The following ANAPC1 variants were observed in gnomAD, a reference collection of about 807,000 sequenced individuals.
The protein encoded by ANAPC1 is anaphase promoting complex subunit 1, also known as anaphase-promoting complex subunit 1.
Under a neutral mutation model 208.0 loss-of-function variants are expected in ANAPC1, and 36 were observed. That is an observed-to-expected ratio of 0.17 (90% CI 0.13 to 0.23). ANAPC1 has a LOEUF of 0.23. Ranked by LOEUF, ANAPC1 falls within the 10% of genes least tolerant of loss-of-function variation. ANAPC1 has a pLI of 1.00. For missense variants in ANAPC1, 942 were observed against 2,011.6 expected, an observed-to-expected ratio of 0.47 and a Z score of 10.17; for synonymous variants, 378 against 695.2, an observed-to-expected ratio of 0.54 and a Z score of 7.18.
chr2:111,825,963 A>G, intron 21 of ANAPC1, 108 bp from the exon 22 acceptor site: 2 of 1,004,772 alleles, frequency 2.0e-6, no homozygotes, highest in South Asian at 3.8e-5. Context: ...TGCAGCCTCA[A>G]ACTCCTTGGC....
chr2:111,845,261 G>A (rs967941205), intron 16 of ANAPC1, among the ~76,000 whole-genome samples: 9 of 152,166 alleles, frequency 5.9e-5, no homozygotes, highest in Admixed American at 6.5e-5. Flanking sequence ...GCTTTTAGTA[G>A]TAAATAATCC....
At chr2:111,881,664 ATAAT>A in intron 1 of ANAPC1, among the ~76,000 whole-genome samples, 1 of 152,246 alleles carries the variant, frequency 6.6e-6, no homozygotes, top group East Asian at 1.9e-4. Flanking sequence ...ACAGATAAGC[ATAAT>A]TAGATTGTCC....
chr2:111,875,382 C>T (rs940126292), intron 3 of ANAPC1, among the ~76,000 whole-genome samples: 2 of 152,014 alleles, frequency 1.3e-5, no homozygotes, highest in African/African-American at 4.8e-5. Flanking sequence ...TACAATGCAC[C>T]GATTACAGTC....
intron 18 of ANAPC1, among the ~76,000 whole-genome samples, chr2:111,837,403 C>T (rs772133465): frequency 6.6e-5 from 10 of 151,998 alleles, no homozygotes; most frequent in African/African-American, 9.7e-5. Flanking sequence ...GGGCAGATCA[C>T]GAGGTCACGA....
intron 6 of ANAPC1, among the ~76,000 whole-genome samples, chr2:111,868,710 T>G (rs1682571044): frequency 6.6e-6 from 1 of 152,170 alleles, no homozygotes; most frequent in Admixed American, 6.5e-5. Flanking sequence ...TTTTTGTATT[T>G]TTAGTAGAGA....
chr2:111,837,332 G>GC (rs1322324656), intron 18 of ANAPC1, among the ~76,000 whole-genome samples: 2 of 152,330 alleles, frequency 1.3e-5, no homozygotes, highest in East Asian at 3.9e-4. Context: ...ATTAAAAACA[G>GC]CAAGAGGGGC....
chr2:111,855,590 A>C (rs1222447113), intron 13 of ANAPC1, among the ~76,000 whole-genome samples: 1 of 152,232 alleles, frequency 6.6e-6, no homozygotes, highest in Non-Finnish European at 1.5e-5. Flanking sequence ...GTTGAGCAAA[A>C]TAAGTATATC....
intron 6 of ANAPC1, among the ~76,000 whole-genome samples, chr2:111,868,796 G>A (rs1165535265): frequency 1.3e-5 from 2 of 152,184 alleles, no homozygotes; most frequent in Non-Finnish European, 2.9e-5. Context: ...GCCTCCCAGA[G>A]TGCTGGGATT....
chr2:111,863,723 G>T lies in ANAPC1; in HGVS notation c.1004C>A (p.Pro335His). 1 of 1,613,916 alleles carries T rather than the reference G, an allele frequency of 6.2e-7. No individual in the cohort carries two copies. The highest frequency in any genetic ancestry group is 8.5e-7 in the Non-Finnish European group (1 of 1,179,858). Residue 335 changes from proline to histidine, a missense_variant, in exon 9 of 48, where the codon CCC becomes CAC. Coordinates refer to ENST00000341068, the MANE Select transcript of ANAPC1 (RefSeq NM_022662.4). ...IHSQSRSTSS[P>H]SLHSRSPSIS... ...AGAAGGTGAGCGAGAATGTAGACTG[G>T]GTGATGAGGTTGAGCGACTCTGGCT...
At chr2:111,782,278 A>G (rs1360031482) in intron 43 of ANAPC1, 91 bp downstream of exon 43, 84 of 1,494,706 alleles carry the variant, frequency 5.6e-5, no homozygotes, top group Middle Eastern at 2.0e-4. Context: ...TGAAAAAGGA[A>G]GCAGATCCAC....
At chr2:111,821,668 C>T (rs1321950673) in intron 25 of ANAPC1, 3 of 486,706 alleles carry the variant, frequency 6.2e-6, no homozygotes, top group Non-Finnish European at 1.1e-5. Flanking sequence ...TGTGGTGGCT[C>T]ACACTCTGTA....
At position 111,878,777 on chromosome 2, in the gene ANAPC1, G is replaced by A. The variant is rs1324096968; in HGVS notation, c.375+33C>T. The A allele has an allele frequency of 1.6e-5, 25 of 1,593,656 alleles. No homozygotes were observed. The Admixed American group carries it at 4.4e-4, about 28-fold the overall frequency. On this transcript the variant is annotated intron_variant, in intron 3 of 47. Transcript: ENST00000341068. ...AACTTTTTTTTAATTGCATTAAATA[G>A]TGAATCAAATGCTAAAATTCAAATC...
chr2:111,869,582 T>A (rs1252754604), intron 6 of ANAPC1, among the ~76,000 whole-genome samples: 1 of 152,168 alleles, frequency 6.6e-6, no homozygotes, highest in Non-Finnish European at 1.5e-5. Flanking sequence ...CATATTCAAT[T>A]TTACCACTTA....
At chr2:111,789,582 A>C (rs1357213) in intron 38 of ANAPC1, among the ~76,000 whole-genome samples, 1,933 of 135,480 alleles carry the variant, frequency 0.014, no homozygotes, top group African/African-American at 0.026. Flanking sequence ...TTAAGCAAAG[A>C]GATACATCTA....
At position 111,825,160 on chromosome 2, in the gene ANAPC1, C is replaced by G. The variant is rs1228292215; in HGVS notation, c.2712G>C (p.Gln904His). The G allele has an allele frequency of 3.1e-6, 5 of 1,612,404 alleles. No individual in the cohort carries two copies. The highest frequency in any genetic ancestry group is 4.2e-6 in the Non-Finnish European group (5 of 1,179,492). ...TTTCCTCTTGTTCTACTTGCAACTT[C>G]TGGGGGGCTAAAAGGCAACAAAATG... Reference protein sequence around the residue: ...QYLTRITIAPQKLQVEQEENR... With the variant: ...QYLTRITIAPHKLQVEQEENR... The change falls in exon 23 of 48, where the codon CAG (glutamine) becomes CAC (histidine). Residue 904 changes from glutamine to histidine, a missense_variant. Coordinates refer to ENST00000341068, the MANE Select transcript of ANAPC1 (RefSeq NM_022662.4).
At chr2:111,832,497 A>C (rs2104461873) in intron 20 of ANAPC1, among the ~76,000 whole-genome samples, 1 of 152,248 alleles carries the variant, frequency 6.6e-6, no homozygotes, top group Admixed American at 6.5e-5. Context: ...TGCACTGTCC[A>C]ATATGGTAGC....
At position 111,874,402 on chromosome 2, in the gene ANAPC1, A is replaced by C. The variant is rs146405845; in HGVS notation, c.376-738T>G. On this transcript the variant is annotated intron_variant, in intron 3 of 47. Transcript: ENST00000341068. ...AGAACTTTTTCCTCATCTCAAACAG[A>C]AACTCCGTGCCCATTAAACAATACT... 5.7e-3 allele frequency among the ~76,000 whole-genome samples: 870 copies of C among 152,192 alleles called. 12 individuals carry two copies. The highest frequency in any genetic ancestry group is 0.02 in the African/African-American group (838 of 41,520).
At chr2:111,870,780 C>T (rs1301109437) in intron 6 of ANAPC1, among the ~76,000 whole-genome samples, 1 of 152,064 alleles carries the variant, frequency 6.6e-6, no homozygotes, top group East Asian at 1.9e-4. Flanking sequence ...GGCCAATGTC[C>T]AGAAGAGTTT....
chr2:111,810,882 CAAAAAAAAAAA>C (rs1162540899), intron 28 of ANAPC1, among the ~76,000 whole-genome samples: 16 of 71,796 alleles, frequency 2.2e-4, no homozygotes, highest in African/African-American at 9.0e-4. Context: ...GACTCCACAT[CAAAAAAAAAAA>C]AAAAAAAAAA....
Sources: allele counts gnomAD v4.1 joint callset (sites outside exome capture counted in the v4.1 genomes callset), GRCh38; gene constraint gnomAD v4.1.1; transcripts MANE v1.5; gene names NCBI Gene and HGNC (gene_info 2026-07-23, HGNC 2026-07-21).